Variants in CHD6 observed in about 807,000 individuals in gnomAD.
The protein encoded by CHD6 is chromodomain helicase DNA binding protein 6, also known as ATP-dependent chromatin remodeler CHD6.
CHD6 carries 50 observed loss-of-function variants against 276.9 expected under a neutral mutation model. The ratio of observed to expected loss-of-function variants is 0.18; its 90% CI spans 0.14 to 0.23. The LOEUF is 0.23. Among genes scored for constraint, CHD6 ranks in the 10% least tolerant of loss-of-function variants. The probability of loss-of-function intolerance (pLI) is 1.00; values close to 1 mark genes in which losing one functional copy is unlikely to be tolerated. For synonymous variants in CHD6, 1,173 were observed against 1,229.3 expected (o/e 0.95, Z 0.96); for missense variants, 2,564 against 3,365.8 (o/e 0.76, Z 5.89).
chr20:41,569,201 T>C (rs758227874), intron 1 of CHD6, among the ~76,000 whole-genome samples: 10 of 152,178 alleles, frequency 6.6e-5, no homozygotes, highest in Non-Finnish European at 1.3e-4. Flanking sequence ...ACAAAAAATG[T>C]CCTGGTTCTC....
chr20:41,543,700 G>A (rs903152449), intron 2 of CHD6, among the ~76,000 whole-genome samples: 6 of 152,216 alleles, frequency 3.9e-5, no homozygotes, highest in African/African-American at 1.2e-4. Flanking sequence ...ACATGGACTT[G>A]GCAGCTACCA....
chr20:41,487,776 C>T lies in CHD6; in HGVS notation c.1890G>A (p.Leu630=), dbSNP rs1293011553. 2 of 1,611,974 alleles carry T rather than the reference C, an allele frequency of 1.2e-6. No individual in the cohort carries two copies. The highest frequency in any genetic ancestry group is 3.4e-5 in the Admixed American group (2 of 59,386). The change falls in exon 14 of 37, where the codon TTG becomes TTA. Residue 630 remains leucine (L), a synonymous_variant. Coordinates refer to ENST00000373233, the MANE Select transcript of CHD6 (RefSeq NM_032221.5). ...EHKVLLTGTP[L]QNSVEELFSL... is the part of the protein sequence containing the mutation. ...TGAAGAGCTCCTCCACAGAGTTCTG[C>T]AAGGGTGTTCCAGTGAGAAGCACTT...
intron 20 of CHD6, among the ~76,000 whole-genome samples, chr20:41,453,336 C>A (rs535782892): frequency 3.3e-5 from 5 of 152,212 alleles, no homozygotes; most frequent in Non-Finnish European, 5.9e-5. Context: ...GGAGACAAGA[C>A]AAGCTAGAGA....
intron 17 of CHD6, among the ~76,000 whole-genome samples, chr20:41,468,392 G>A (rs961934284): frequency 1.3e-5 from 2 of 152,148 alleles, no homozygotes; most frequent in African/African-American, 2.4e-5. Flanking sequence ...TTACAGGCAT[G>A]AGCCACCGCG....
At chr20:41,514,277 G>C (rs562919479) in intron 4 of CHD6, among the ~76,000 whole-genome samples, 12 of 152,288 alleles carry the variant, frequency 7.9e-5, no homozygotes, top group African/African-American at 2.9e-4. Context: ...GCTCAAGAGA[G>C]GTTCTCAACT....
chr20:41,487,884 C>G (rs992929763), intron 13 of CHD6, 76 bp from the exon 14 acceptor site: 7 of 1,509,398 alleles, frequency 4.6e-6, no homozygotes, highest in Middle Eastern at 1.7e-4. Flanking sequence ...AAAATTAAGC[C>G]AGGGCATTGA....
rs575728495 is a variant in CHD6 at position 41,607,678 on chromosome 20, C to T, written c.-24+10662G>A. Among the ~76,000 whole-genome samples, 405 of 146,778 alleles carry T rather than the reference C, an allele frequency of 2.8e-3. 1 individual carries two copies. The highest frequency in any genetic ancestry group is 9.6e-3 in the African/African-American group (378 of 39,520). ...AGACACGGGTCTTGCTCTCAAGTCT[C>T]ATGGAAGGAAAATATCTGGATGGGC... On this transcript the variant is annotated intron_variant, in intron 1 of 36. Transcript: ENST00000373233.
chr20:41,527,965 G>A (rs1389216454), intron 3 of CHD6, among the ~76,000 whole-genome samples: 1 of 152,162 alleles, frequency 6.6e-6, no homozygotes, highest in Non-Finnish European at 1.5e-5. Flanking sequence ...ATGAGGAGCT[G>A]CACACAGGTC....
intron 1 of CHD6, among the ~76,000 whole-genome samples, chr20:41,555,541 G>A (rs1033460120): frequency 1.3e-5 from 2 of 150,424 alleles, no homozygotes; most frequent in Non-Finnish European, 3.0e-5. Flanking sequence ...CAGATGGGGC[G>A]GTTGCCAGGC....
intron 5 of CHD6, among the ~76,000 whole-genome samples, chr20:41,506,352 T>C (rs1431148895): frequency 1.3e-5 from 2 of 152,196 alleles, no homozygotes; most frequent in Non-Finnish European, 2.9e-5. Context: ...CCTCATCTGT[T>C]ATGTTTCAGT....
intron 16 of CHD6, among the ~76,000 whole-genome samples, chr20:41,476,841 C>T (rs115194903): frequency 1.3e-5 from 2 of 151,656 alleles, no homozygotes; most frequent in South Asian, 2.1e-4. Context: ...TCCCAACACA[C>T]GAATATATGT....
intron 14 of CHD6, chr20:41,485,997 AAAG>A (rs2043405117): frequency 6.6e-6 from 1 of 152,150 alleles, no homozygotes; most frequent in Non-Finnish European, 1.5e-5. Context: ...TAAATATTAA[AAAG>A]AAGTTTTGAT....
At position 41,451,971 on chromosome 20, in the gene CHD6, G is replaced by C; in HGVS notation, c.3378C>G (p.Asn1126Lys). 1 of 1,614,050 alleles carries C rather than the reference G, an allele frequency of 6.2e-7. No individual in the cohort carries two copies. Among genetic ancestry groups the C allele is most frequent in the Non-Finnish European group, 8.5e-7 (1 of 1,179,986 alleles). The change falls in exon 22 of 37, where the codon AAC (asparagine) becomes AAG (lysine). Residue 1126 changes from asparagine (N) to lysine (K), a missense_variant. Transcript: ENST00000373233. ...GGCAAATCATCTCCATGTCCTTCTC[G>C]TTCAGATGCCACTTGAATCGGCCAT... ...LTHGRFKWHLNEKDMEMICRA... is the reference protein window; with the variant it reads ...LTHGRFKWHLKEKDMEMICRA...
rs372865499 is a variant in CHD6, at chr20:41,584,110, T to C, written c.-23-32750A>G. ...CCCAGTTATATGTTTCTATAAGAAA[T>C]CCATTTTAAAAACATAGATAGGTTA... On this transcript the variant is annotated intron_variant, in intron 1 of 36. Coordinates refer to ENST00000373233, the MANE Select transcript of CHD6 (RefSeq NM_032221.5). 1.1e-4 allele frequency among the ~76,000 whole-genome samples: 16 copies of C among 152,020 alleles called. No homozygotes were observed. The East Asian group carries it at 1.4e-3, about 13-fold the overall frequency.
At position 41,580,382 on chromosome 20, in the gene CHD6, A is replaced by C. The variant is rs185750521; in HGVS notation, c.-23-29022T>G. On this transcript the variant is annotated intron_variant, in intron 1 of 36. Transcript: ENST00000373233. ...TGTGACTCCCTTCTTTGCTTTACAC[A>C]TCTCTTGATTGGCTCACCCCTGTAA... 1.4e-3 allele frequency among the ~76,000 whole-genome samples: 218 copies of C among 152,156 alleles called. 1 individual carries two copies. The Middle Eastern group carries it at 0.021, about 14-fold the overall frequency.
At chr20:41,491,919 C>A (rs1221161220) in intron 10 of CHD6, 100 bp from the exon 11 acceptor site, 7 of 1,360,054 alleles carry the variant, frequency 5.1e-6, no homozygotes, top group Admixed American at 3.5e-5. Flanking sequence ...TGTCCCAAGG[C>A]TGGTTTCAAA....
At chr20:41,444,197 C>G (rs2047992295) in intron 25 of CHD6, among the ~76,000 whole-genome samples, 1 of 152,184 alleles carries the variant, frequency 6.6e-6, no homozygotes, top group African/African-American at 2.4e-5. Context: ...CTGGGTTGCA[C>G]TGCGGTACCT....
At chr20:41,574,341 G>A (rs1291397272) in intron 1 of CHD6, among the ~76,000 whole-genome samples, 1 of 152,080 alleles carries the variant, frequency 6.6e-6, no homozygotes, top group East Asian at 1.9e-4. Context: ...ACCTATACTT[G>A]GAGATAATGA....
chr20:41,506,721 AG>A (rs1450460053), intron 5 of CHD6, among the ~76,000 whole-genome samples: 2 of 152,194 alleles, frequency 1.3e-5, no homozygotes, highest in African/African-American at 4.8e-5. Context: ...CATGCCGTGT[AG>A]GTTCAAAATC....
Sources: allele counts gnomAD v4.1 joint callset (sites outside exome capture counted in the v4.1 genomes callset), GRCh38; gene constraint gnomAD v4.1.1; transcripts MANE v1.5; gene names NCBI Gene and HGNC (gene_info 2026-07-23, HGNC 2026-07-21).